NBAS: variants seen among roughly 807,000 people sequenced by gnomAD.
NBAS encodes NAG/BC035112 fusion.
Under a neutral mutation model 302.5 loss-of-function variants are expected in NBAS, and 219 were observed. That is an observed-to-expected ratio of 0.72 (90% CI 0.65 to 0.81). The LOEUF is 0.81. NBAS is among the 30% of genes least tolerant of loss of function. The pLI is 0.00. For synonymous variants in NBAS, 1,118 were observed against 1,021.6 expected, an observed-to-expected ratio of 1.09 and a Z score of -1.80; for missense variants, 2,932 against 2,841.6, an observed-to-expected ratio of 1.03 and a Z score of -0.72.
At chr2:14,835,447 C>T in the NBAS span, among the ~76,000 whole-genome samples, 1 of 151,932 alleles carries the variant, frequency 6.6e-6, no homozygotes, top group East Asian at 1.9e-4. Context: ...AGTCACCTGC[C>T]TAATGACAAC....
At position 15,428,801 on chromosome 2, in the gene NBAS, T is replaced by C. The variant is rs368011485; in HGVS notation, c.2340-1007A>G. Among the ~76,000 whole-genome samples, 27 of 152,200 alleles carry C rather than the reference T, an allele frequency of 1.8e-4. No individual in the cohort carries two copies. In the East Asian group the frequency reaches 5.0e-3, roughly 28 times the overall value. ...GCTCACGCCTGTAATCCCAGCACTT[T>C]GGGAGGCTGAGGTGGGCAGATCACG... On this transcript the variant is annotated intron_variant, in intron 21 of 51. Coordinates refer to ENST00000281513, the MANE Select transcript of NBAS (RefSeq NM_015909.4).
chr2:15,399,244 G>A (rs748976011), intron 26 of NBAS, among the ~76,000 whole-genome samples: 58 of 152,026 alleles, frequency 3.8e-4, no homozygotes, highest in Non-Finnish European at 7.6e-4. Context: ...AACAAGAAAT[G>A]AGATATGAAG....
intron 33 of NBAS, among the ~76,000 whole-genome samples, chr2:15,354,286 A>C (rs988370814): frequency 2.0e-5 from 3 of 152,212 alleles, no homozygotes; most frequent in African/African-American, 7.2e-5. Flanking sequence ...ACAGTGACCG[A>C]ATCACCCCCC....
At chr2:15,039,440 C>T in the NBAS span, among the ~76,000 whole-genome samples, 1 of 152,094 alleles carries the variant, frequency 6.6e-6, no homozygotes, top group African/African-American at 2.4e-5. Flanking sequence ...TTCACAGGCT[C>T]GTCAGTGACT....
intron 38 of NBAS, among the ~76,000 whole-genome samples, chr2:15,318,465 A>G (rs1172221526): frequency 6.6e-6 from 1 of 152,226 alleles, no homozygotes; most frequent in Non-Finnish European, 1.5e-5. Flanking sequence ...TTGGGTAAAG[A>G]GTCAAAACCC....
intron 23 of NBAS, among the ~76,000 whole-genome samples, chr2:15,423,863 A>G (rs993558055): frequency 6.6e-6 from 1 of 152,220 alleles, no homozygotes; most frequent in African/African-American, 2.4e-5. Flanking sequence ...CATCTCTGTA[A>G]AAGTGTCTAA....
At chr2:15,427,181 A>C (rs1021536646) in intron 22 of NBAS, among the ~76,000 whole-genome samples, 3 of 152,174 alleles carry the variant, frequency 2.0e-5, no homozygotes, top group African/African-American at 7.2e-5. Context: ...TCTCACATGA[A>C]AAAAGAAAAA....
Position 15,467,375 on chromosome 2 carries a change from C to A in NBAS, c.2051G>T (p.Cys684Phe). Residue 684 changes from cysteine to phenylalanine, a missense_variant, in exon 19 of 52, where the codon TGT becomes TTT. Physicochemically the swap from Cys to Phe is radical, Grantham distance 205 (BLOSUM62 -2). Transcript: ENST00000281513. ...TAAGTAGGTTAATAACTTCCGTCTA[C>A]AACGGCAAAGTTCCTTTTGTTCCAG... ...LTLEQKELCR[C>F]RRKLLTYLDR... 1 of 1,613,590 alleles carries A rather than the reference C, an allele frequency of 6.2e-7. No individual in the cohort carries two copies. Among genetic ancestry groups the A allele is most frequent in the South Asian group, 1.1e-5 (1 of 91,072 alleles).
At chr2:14,797,110 A>C in the NBAS span, among the ~76,000 whole-genome samples, 7,558 of 149,180 alleles carry the variant, frequency 0.051, 220 homozygotes, top group Non-Finnish European at 0.057. Context: ...AAAAAAAAAA[A>C]AAAACCAAAA....
intron 48 of NBAS, among the ~76,000 whole-genome samples, chr2:15,215,058 C>A (rs1666591708): frequency 6.6e-6 from 1 of 151,978 alleles, no homozygotes; most frequent in African/African-American, 2.4e-5. Flanking sequence ...TTTTCATGCA[C>A]CAGTTAGCTA....
chr2:14,859,717 G>T, the NBAS span, among the ~76,000 whole-genome samples: 1 of 152,146 alleles, frequency 6.6e-6, no homozygotes, highest in Non-Finnish European at 1.5e-5. Context: ...TTTCAGACAT[G>T]AAACTATGAC....
At chr2:15,000,525 A>G in the NBAS span, among the ~76,000 whole-genome samples, 26 of 152,174 alleles carry the variant, frequency 1.7e-4, no homozygotes, top group African/African-American at 6.0e-4. Flanking sequence ...GTCATAGATG[A>G]TTGCAGTTGC....
In NBAS at chr2:15,517,213, G is replaced by A. The variant is rs576248587; in HGVS notation, c.747-5863C>T. On this transcript the variant is annotated intron_variant, in intron 9 of 51. Coordinates refer to ENST00000281513, the MANE Select transcript of NBAS (RefSeq NM_015909.4). ...TTTTTATATAGGTAAATTGTGTGTCGCAGGGGTTTGTTGTACAGATTATTT... is the reference window on the plus strand; with the variant it reads ...TTTTTATATAGGTAAATTGTGTGTCACAGGGGTTTGTTGTACAGATTATTT... Among the ~76,000 whole-genome samples the A allele has an allele frequency of 1.9e-4, 29 of 152,116 alleles. 1 individual carries two copies. The South Asian group carries it at 4.6e-3, about 24-fold the overall frequency.
Position 15,529,166 on chromosome 2 carries a change from T to A in NBAS, c.746+5377A>T, listed in dbSNP as rs190237807. Among the ~76,000 whole-genome samples, 4 of 152,168 alleles carry A rather than the reference T, an allele frequency of 2.6e-5. No homozygotes were observed. In the East Asian group the frequency reaches 7.7e-4, roughly 29 times the overall value. ...GAAACATATTCGAAAAGTATATATA[T>A]ATGTGCTGAGGAAGTGAGGTATTAA... On this transcript the variant is annotated intron_variant, in intron 9 of 51. Coordinates refer to ENST00000281513, the MANE Select transcript of NBAS (RefSeq NM_015909.4).
the NBAS span, among the ~76,000 whole-genome samples, chr2:15,077,684 T>C: frequency 1.3e-5 from 2 of 149,596 alleles, no homozygotes; most frequent in African/African-American, 5.1e-5. Context: ...TTCTTTCTTT[T>C]TTTTTCTTTT....
chr2:15,454,366 C>A (rs569364642), intron 21 of NBAS, among the ~76,000 whole-genome samples: 1 of 151,918 alleles, frequency 6.6e-6, no homozygotes, highest in African/African-American at 2.4e-5. Flanking sequence ...ATGTGGTATC[C>A]TGGACTGTAT....
the NBAS span, among the ~76,000 whole-genome samples, chr2:15,103,271 C>A: frequency 6.6e-6 from 1 of 152,080 alleles, no homozygotes; most frequent in East Asian, 1.9e-4. Context: ...TTGAGAAAAG[C>A]TCTGAAAATC....
chr2:15,275,654 G>A lies in NBAS; in HGVS notation c.5554C>T (p.Gln1852Ter), dbSNP rs200179726. The A allele has an allele frequency of 4.3e-6, 7 of 1,614,198 alleles. No homozygotes were observed. The highest frequency in any genetic ancestry group is 5.9e-6 in the Non-Finnish European group (7 of 1,180,034). Residue 1852 changes from glutamine to a stop codon, truncating the protein, a stop_gained, in exon 44 of 52, where the codon CAG (glutamine) becomes TAG (stop). Transcript: ENST00000281513. LOFTEE classifies it high-confidence loss of function. ...SPSSLYTIWLQKLFWTGDPHL... is the reference protein window; with the variant it reads ...SPSSLYTIWL The stretch of plus-strand genomic sequence containing the variant: ...GGGTCTCCAGTCCAGAACAACTTCT[G>A]TAACCAGATGGTGTACAGAGAGCTT...
At chr2:14,888,449 C>T in the NBAS span, among the ~76,000 whole-genome samples, 7 of 138,424 alleles carry the variant, frequency 5.1e-5, no homozygotes, top group Non-Finnish European at 1.2e-4. Flanking sequence ...CGGCACCCGG[C>T]CCCCCCTTTT....
Sources: allele counts gnomAD v4.1 joint callset (sites outside exome capture counted in the v4.1 genomes callset), GRCh38; gene constraint gnomAD v4.1.1; transcripts MANE v1.5; gene names NCBI Gene and HGNC (gene_info 2026-07-23, HGNC 2026-07-21).